Variants in SUPT3H observed in about 807,000 individuals in gnomAD.
SUPT3H encodes the protein SPT3 homolog, SAGA and STAGA complex component.
Under a neutral mutation model 44.3 loss-of-function variants are expected in SUPT3H, and 44 were observed. The observed-to-expected ratio is 0.99, with a 90% CI of 0.78 to 1.28. The LOEUF (loss-of-function observed/expected upper bound fraction) is 1.28. Ranked by LOEUF, SUPT3H falls within the 50% of genes most tolerant of loss-of-function variation. SUPT3H has a pLI of 0.00. For missense variants in SUPT3H, 380 were observed against 387.1 expected (o/e 0.98, Z 0.15); for synonymous variants, 124 against 125.6 (o/e 0.99, Z 0.09).
chr6:44,944,580 G>T (rs1432865431), intron 9 of SUPT3H, among the ~76,000 whole-genome samples: 2 of 151,026 alleles, frequency 1.3e-5, no homozygotes, highest in African/African-American at 2.4e-5. Context: ...GCAACACAGT[G>T]AAACCCTGTC....
chr6:45,215,987 T>C (rs868333992), intron 2 of SUPT3H, among the ~76,000 whole-genome samples: 5 of 152,066 alleles, frequency 3.3e-5, no homozygotes, highest in African/African-American at 9.7e-5. Context: ...TCAGGAGAAA[T>C]CATGCAGTCC....
At chr6:44,977,966 T>C (rs1259569256) in intron 6 of SUPT3H, among the ~76,000 whole-genome samples, 3 of 152,270 alleles carry the variant, frequency 2.0e-5, no homozygotes, top group South Asian at 4.1e-4. Flanking sequence ...AATGAATACA[T>C]TGCTTAATGA....
chr6:44,855,552 T>C (rs2153423243), intron 10 of SUPT3H, among the ~76,000 whole-genome samples: 1 of 152,304 alleles, frequency 6.6e-6, no homozygotes, highest in Middle Eastern at 3.4e-3. Context: ...TGATTCTTGG[T>C]CAATTCCAGT....
chr6:45,349,267 C>A (rs1449040674), intron 2 of SUPT3H, among the ~76,000 whole-genome samples: 1 of 152,190 alleles, frequency 6.6e-6, no homozygotes, highest in Non-Finnish European at 1.5e-5. Flanking sequence ...GTCCCACAAT[C>A]TTCCATTTAA....
At chr6:44,819,550 G>A (rs895681037) in intron 11 of SUPT3H, among the ~76,000 whole-genome samples, 1 of 150,636 alleles carries the variant, frequency 6.6e-6, no homozygotes, top group Non-Finnish European at 1.5e-5. Flanking sequence ...GCAGTACTTT[G>A]GGAGGCTGAG....
At chr6:44,864,724 C>T (rs1038189606) in intron 10 of SUPT3H, among the ~76,000 whole-genome samples, 5 of 152,100 alleles carry the variant, frequency 3.3e-5, no homozygotes, top group African/African-American at 9.7e-5. Flanking sequence ...CTGCACACAG[C>T]GTGGGGACCC....
chr6:45,203,015 T>A (rs1421978208), intron 2 of SUPT3H, among the ~76,000 whole-genome samples: 1 of 151,976 alleles, frequency 6.6e-6, no homozygotes, highest in Non-Finnish European at 1.5e-5. Flanking sequence ...AAATATAAGG[T>A]AAAGATAACA....
intron 2 of SUPT3H, among the ~76,000 whole-genome samples, chr6:45,198,767 T>C (rs1167512802): frequency 1.3e-5 from 2 of 151,358 alleles, no homozygotes; most frequent in Admixed American, 1.3e-4. Context: ...TCACACTACC[T>C]GAAGTTACAT....
chr6:45,182,855 C>T (rs1254884227), intron 2 of SUPT3H, among the ~76,000 whole-genome samples: 1 of 152,178 alleles, frequency 6.6e-6, no homozygotes, highest in African/African-American at 2.4e-5. Flanking sequence ...TGTGGAGGAA[C>T]TTGAATCCTA....
chr6:44,896,741 T>C (rs1764185393), intron 10 of SUPT3H, among the ~76,000 whole-genome samples: 1 of 152,064 alleles, frequency 6.6e-6, no homozygotes. Context: ...TCCTCTAGGG[T>C]AGAAAAGTGG....
intron 2 of SUPT3H, among the ~76,000 whole-genome samples, chr6:45,277,883 T>C (rs542055903): frequency 6.6e-6 from 1 of 152,232 alleles, no homozygotes; most frequent in Admixed American, 6.5e-5. Flanking sequence ...AAATGTCATT[T>C]CAAAAGAATT....
chr6:45,264,160 T>C (rs187325279), intron 2 of SUPT3H, among the ~76,000 whole-genome samples: 1 of 152,180 alleles, frequency 6.6e-6, no homozygotes, highest in Non-Finnish European at 1.5e-5. Context: ...ACTTATTTTT[T>C]AAAAAATTTA....
chr6:45,230,980 C>A (rs1416474993), intron 2 of SUPT3H, among the ~76,000 whole-genome samples: 19 of 151,996 alleles, frequency 1.3e-4, no homozygotes, highest in Non-Finnish European at 2.4e-4. Context: ...CAATCTATAT[C>A]TTTTAAGAAT....
intron 6 of SUPT3H, among the ~76,000 whole-genome samples, chr6:44,985,864 G>C (rs1275241510): frequency 6.6e-6 from 1 of 152,136 alleles, no homozygotes; most frequent in Non-Finnish European, 1.5e-5. Flanking sequence ...TAATGATCAA[G>C]AGGTAAGCAA....
At chr6:44,996,513 G>A (rs969953187) in intron 6 of SUPT3H, among the ~76,000 whole-genome samples, 2 of 151,466 alleles carry the variant, frequency 1.3e-5, no homozygotes, top group African/African-American at 4.8e-5. Context: ...CCCCAAACTG[G>A]GCTCTGAGTG....
chr6:45,136,735 T>C (rs1804346413), intron 2 of SUPT3H, among the ~76,000 whole-genome samples: 1 of 151,994 alleles, frequency 6.6e-6, no homozygotes, highest in African/African-American at 2.4e-5. Context: ...GTATAGAAAG[T>C]ATCAATTCTG....
At chr6:45,047,636 T>A (rs2153533943) in intron 3 of SUPT3H, among the ~76,000 whole-genome samples, 1 of 152,266 alleles carries the variant, frequency 6.6e-6, no homozygotes, top group East Asian at 1.9e-4. Flanking sequence ...CTGATAAGAA[T>A]AATCTATTTT....
intron 10 of SUPT3H, among the ~76,000 whole-genome samples, chr6:44,868,358 T>G (rs528780535): frequency 6.6e-6 from 1 of 152,332 alleles, no homozygotes; most frequent in Non-Finnish European, 1.5e-5. Context: ...AGTTCATGTT[T>G]TTCTTGCCCC....
rs553530187 is a variant in SUPT3H at position 45,320,267 on chromosome 6, T to A, written c.101+44934A>T. The stretch of plus-strand genomic sequence containing the variant: ...CAAACCACTATGGCAGCTTCCCAGG[T>A]TTTTTTTGTTTTTTGAGACAGGGCT... On this transcript the variant is annotated intron_variant, in intron 2 of 10. Transcript: ENST00000371459. 1.4e-4 allele frequency among the ~76,000 whole-genome samples: 22 copies of A among 151,890 alleles called. No homozygotes were observed. The East Asian group carries it at 2.9e-3, about 20-fold the overall frequency.
Sources: allele counts gnomAD v4.1 joint callset (sites outside exome capture counted in the v4.1 genomes callset), GRCh38; gene constraint gnomAD v4.1.1; transcripts MANE v1.5; gene names NCBI Gene and HGNC (gene_info 2026-07-23, HGNC 2026-07-21).